Variants in ATP4B observed in about 807,000 individuals in gnomAD.
ATP4B encodes potassium-transporting ATPase subunit beta.
A neutral mutation model predicts 35.3 loss-of-function variants in ATP4B; 27 were observed. The ratio of observed to expected loss-of-function variants is 0.76; its 90% CI spans 0.56 to 1.05. The LOEUF (loss-of-function observed/expected upper bound fraction) is 1.05. Among genes scored for constraint, ATP4B ranks in the 50% least tolerant of loss-of-function variants. The pLI is 0.00. For synonymous variants in ATP4B, 162 were observed against 156.0 expected, an observed-to-expected ratio of 1.04 and a Z score of -0.29; for missense variants, 375 against 384.8, an observed-to-expected ratio of 0.97 and a Z score of 0.21.
intron 5 of ATP4B, 91 bp downstream of exon 5, chr13:113,651,580 G>A: frequency 7.3e-7 from 1 of 1,360,780 alleles, no homozygotes; most frequent in Non-Finnish European, 9.7e-7. Context: ...TTCCTGGAGA[G>A]AACCAGGTGG....
intron 1 of ATP4B, among the ~76,000 whole-genome samples, chr13:113,655,561 C>G (rs2049747098): frequency 6.6e-6 from 1 of 152,224 alleles, no homozygotes; most frequent in Admixed American, 6.5e-5. Context: ...GCGTCAGAAC[C>G]TAACGGAAGC....
chr13:113,654,734 G>C, intron 2 of ATP4B, 80 bp downstream of exon 2: 3 of 1,520,610 alleles, frequency 2.0e-6, no homozygotes, highest in South Asian at 2.6e-5. Context: ...GAGGGCACGG[G>C]TCCCCCGGGC....
At chr13:113,652,795 G>A in intron 4 of ATP4B, 78 bp downstream of exon 4, 1 of 1,511,584 alleles carries the variant, frequency 6.6e-7, no homozygotes, top group African/African-American at 1.4e-5. Flanking sequence ...GGACACCTGT[G>A]CTCCTCGTGG....
chr13:113,651,134 G>A (rs1342425489), intron 5 of ATP4B, among the ~76,000 whole-genome samples: 2 of 151,902 alleles, frequency 1.3e-5, no homozygotes, highest in South Asian at 4.1e-4. Flanking sequence ...ATGGAACCAC[G>A]CTGTGAAACC....
intron 1 of ATP4B, among the ~76,000 whole-genome samples, chr13:113,656,946 G>A (rs767844314): frequency 3.9e-5 from 6 of 152,038 alleles, no homozygotes; most frequent in Non-Finnish European, 8.8e-5. Flanking sequence ...CTGCCGCCCC[G>A]CCTGGCCCAG....
Position 113,653,378 on chromosome 13 carries a change from C to T in ATP4B, c.298G>A (p.Val100Ile), listed in dbSNP as rs151052185. The T allele has an allele frequency of 9.1e-4, 1,472 of 1,614,200 alleles. 3 individuals carry two copies. Among genetic ancestry groups the T allele is most frequent in the Non-Finnish European group, 9.6e-4 (1,137 of 1,180,050 alleles). Reference protein sequence around the residue: ...GEKGLEIVYNVSDNRTWADLT... With the variant: ...GEKGLEIVYNISDNRTWADLT... The stretch of plus-strand genomic sequence containing the variant: ...TCTGCCCAGGTTCTGTTATCAGAGA[C>T]GTTGTAGACAATTTCCAGGCCTTTC... Residue 100 changes from valine to isoleucine, a missense_variant, in exon 3 of 7, where the codon GTC (valine) becomes ATC (isoleucine). Coordinates refer to ENST00000335288, the MANE Select transcript of ATP4B (RefSeq NM_000705.4).
chr13:113,652,613 C>G, intron 4 of ATP4B: 1 of 549,200 alleles, frequency 1.8e-6, no homozygotes, highest in Admixed American at 2.5e-5. Context: ...CCTGGCCTTG[C>G]AGAGACCCCT....
In ATP4B at chr13:113,653,016, A is replaced by G; in HGVS notation, c.412T>C (p.Phe138Leu). ...TTGGGAGCGCGGAAACTCTCCTGGAAGAAGTACTGCTCGGAGGTGCAGTTG... is the reference window on the plus strand; with the variant it reads ...TTGGGAGCGCGGAAACTCTCCTGGAGGAAGTACTGCTCGGAGGTGCAGTTG... ...SINCTSEQYF[F>L]QESFRAPNHT... Residue 138 changes from phenylalanine to leucine, a missense_variant, in exon 4 of 7, where the codon TTC (phenylalanine) becomes CTC (leucine). Coordinates refer to ENST00000335288, the MANE Select transcript of ATP4B (RefSeq NM_000705.4). 1 of 1,614,096 alleles carries G rather than the reference A, an allele frequency of 6.2e-7. No individual in the cohort carries two copies. The highest frequency in any genetic ancestry group is 8.5e-7 in the Non-Finnish European group (1 of 1,179,976).
chr13:113,649,455 G>C lies in ATP4B; in HGVS notation c.795C>G (p.Val265=). ...TGTTGAAGGTCACGTGCTCCGCCAT[G>C]ACCTTGCACACGATGGCGACCTCAG... The part of the protein sequence containing the change: ...RNAEVAIVCK[V]MAEHVTFNNP... Residue 265 remains valine, a synonymous_variant, in exon 7 of 7, where the codon GTC becomes GTG. Transcript: ENST00000335288. The surrounding 1 kb of genome is among the most constrained non-coding windows in gnomAD (Gnocchi z 4.7). 1 of 1,570,436 alleles carries C rather than the reference G, an allele frequency of 6.4e-7. No individual in the cohort carries two copies. Among genetic ancestry groups the C allele is most frequent in the Non-Finnish European group, 8.7e-7 (1 of 1,155,770 alleles).
chr13:113,654,598 C>T (rs1051711380), intron 2 of ATP4B, among the ~76,000 whole-genome samples: 3 of 152,228 alleles, frequency 2.0e-5, no homozygotes, highest in Non-Finnish European at 4.4e-5. Flanking sequence ...ACTAAGGGGC[C>T]GCTTATGCCT....
At chr13:113,653,698 G>T (rs2049731653) in intron 2 of ATP4B, among the ~76,000 whole-genome samples, 1 of 152,228 alleles carries the variant, frequency 6.6e-6, no homozygotes, top group Non-Finnish European at 1.5e-5. Context: ...CTCTCCACCG[G>T]GTGCCTGCTC....
In ATP4B at chr13:113,650,336, G is replaced by T; in HGVS notation, c.714+70C>A. On this transcript the variant is annotated intron_variant, in intron 6 of 6. Transcript: ENST00000335288. The surrounding 1 kb of genome is among the most constrained non-coding windows in gnomAD (Gnocchi z 5.0). Reference sequence around the variant, plus strand: ...ATTTTTCTACATGAAGGGGCTTATTGCTTTCCTTTCGCTAAGTGTGAGAGG... The same window carrying T: ...ATTTTTCTACATGAAGGGGCTTATTTCTTTCCTTTCGCTAAGTGTGAGAGG... 7.0e-7 allele frequency: 1 copy of T among 1,434,930 alleles called. No individual in the cohort carries two copies. 88.9% of individuals were successfully genotyped at this position (1,434,930 alleles called of 1,614,324 possible).
At chr13:113,653,898 G>A (rs887311113) in intron 2 of ATP4B, among the ~76,000 whole-genome samples, 3 of 152,212 alleles carry the variant, frequency 2.0e-5, no homozygotes, top group Admixed American at 6.5e-5. Flanking sequence ...CGACTTTCCC[G>A]ATGTGAACCG....
Position 113,649,196 on chromosome 13 carries a change from C to A in ATP4B, c.*178G>T, listed in dbSNP as rs1017149769. 1.7e-6 allele frequency: 1 copy of A among 587,960 alleles called. No individual in the cohort carries two copies. The highest frequency in any genetic ancestry group is 2.5e-5 in the South Asian group (1 of 39,598). 36.4% of individuals were successfully genotyped at this position (587,960 alleles called of 1,614,324 possible). A position where few individuals can be genotyped will look rare whatever the true frequency, so the allele number is the denominator to read the frequency against. On this transcript the variant is annotated 3_prime_UTR_variant, in exon 7 of 7. Transcript: ENST00000335288. The surrounding 1 kb of genome is among the most constrained non-coding windows in gnomAD (Gnocchi z 4.7). ...AGAATTCAACAAGGAAGAACTGATA[C>A]TCGCGAGCAGGTCCTTCAGATGTGG...
intron 2 of ATP4B, among the ~76,000 whole-genome samples, chr13:113,654,074 A>G (rs2049735114): frequency 6.6e-6 from 1 of 152,160 alleles, no homozygotes; most frequent in South Asian, 2.1e-4. Context: ...TTTTTCTGTC[A>G]TTTTGTGTCA....
intron 1 of ATP4B, among the ~76,000 whole-genome samples, chr13:113,656,166 A>C (rs1359849891): frequency 2.0e-5 from 3 of 152,070 alleles, no homozygotes; most frequent in Admixed American, 2.0e-4. Context: ...CTGTCACTGG[A>C]TCACGCCTGG....
chr13:113,655,007 C>T (rs2049743046), intron 1 of ATP4B, 65 bp from the exon 2 acceptor site: 1 of 1,595,640 alleles, frequency 6.3e-7, no homozygotes. Context: ...ATTCGGTGGC[C>T]TTGAGCGCGT....
rs2049714532 is a variant in ATP4B at position 113,651,757 on chromosome 13, T to C, written c.556-30A>G. Reference sequence around the variant, plus strand: ...AAGGGAAAAGCTTGAGCGTGGCCGCTCCCCACCCCCACCGCCATGTGAGGT... The same window carrying C: ...AAGGGAAAAGCTTGAGCGTGGCCGCCCCCCACCCCCACCGCCATGTGAGGT... On this transcript the variant is annotated intron_variant, in intron 4 of 6. Coordinates refer to ENST00000335288, the MANE Select transcript of ATP4B (RefSeq NM_000705.4). The C allele has an allele frequency of 2.5e-6, 4 of 1,610,398 alleles. No individual in the cohort carries two copies. The African/African-American group carries it at 4.0e-5, about 16-fold the overall frequency.
chr13:113,657,922 G>A lies in ATP4B; in HGVS notation c.112+111C>T, dbSNP rs779090517. The A allele has an allele frequency of 8.8e-5, 76 of 864,998 alleles. 1 individual carries two copies. Among genetic ancestry groups the A allele is most frequent in the African/African-American group, 2.5e-4 (15 of 59,132 alleles). The allele number at this position is 864,998 out of a possible 1,614,324, so 53.6% of individuals were successfully genotyped here. A position where few individuals can be genotyped will look rare whatever the true frequency, so the allele number is the denominator to read the frequency against. On this transcript the variant is annotated intron_variant, in intron 1 of 6. Transcript: ENST00000335288. ...CCGTCCACGCCATCCAGGCAGCATC[G>A]GGGTCTCACTGTCAGGGGCCCTCTG...
Sources: gnomAD v4.1 joint callset for allele counts (sites outside exome capture counted in the v4.1 genomes callset) on GRCh38, gnomAD v4.1.1 for gene constraint, Gnocchi (gnomAD v3.1) non-coding constraint, MANE v1.5 for transcripts, NCBI Gene and HGNC (gene_info 2026-07-23, HGNC 2026-07-21) for gene names.